The following GAS2L3 variants were observed in gnomAD, a reference collection of about 807,000 sequenced individuals.
GAS2L3 encodes growth arrest specific 2 like 3.
GAS2L3 carries 28 observed loss-of-function variants against 37.0 expected under a neutral mutation model. That is an observed-to-expected ratio of 0.76 (90% CI 0.56 to 1.04). The LOEUF is 1.04. Among genes scored for constraint, GAS2L3 ranks in the 50% least tolerant of loss-of-function variants. GAS2L3 has a pLI of 0.00. For synonymous variants in GAS2L3, 290 were observed against 296.6 expected (o/e 0.98, Z 0.23); for missense variants, 793 against 817.6 (o/e 0.97, Z 0.37).
At chr12:100,578,151 A>T (rs972423972) in intron 1 of GAS2L3, among the ~76,000 whole-genome samples, 1 of 152,194 alleles carries the variant, frequency 6.6e-6, no homozygotes, top group Non-Finnish European at 1.5e-5. Flanking sequence ...CTGGAGAAGG[A>T]TGATGGTGGC....
chr12:100,599,361 T>C (rs1955954971), intron 3 of GAS2L3, among the ~76,000 whole-genome samples: 1 of 152,248 alleles, frequency 6.6e-6, no homozygotes, highest in African/African-American at 2.4e-5. Context: ...TATAAAATTA[T>C]AAAATTTATA....
intron 5 of GAS2L3, among the ~76,000 whole-genome samples, chr12:100,610,670 G>C (rs142542516): frequency 0.012 from 1,880 of 152,258 alleles, 21 homozygotes; most frequent in Non-Finnish European, 0.021. Context: ...GGAACTGGGG[G>C]TAGGTGAGAG....
intron 1 of GAS2L3, among the ~76,000 whole-genome samples, chr12:100,574,436 T>G (rs1267178669): frequency 6.6e-6 from 1 of 152,128 alleles, no homozygotes; most frequent in Non-Finnish European, 1.5e-5. Flanking sequence ...AACCCTCAGT[T>G]TGGAGGACTG....
intron 3 of GAS2L3, among the ~76,000 whole-genome samples, chr12:100,596,825 A>T (rs1955918665): frequency 6.6e-6 from 1 of 152,134 alleles, no homozygotes; most frequent in African/African-American, 2.4e-5. Context: ...GAAAAGGCCC[A>T]TTTGTATATA....
At chr12:100,590,627 C>T (rs190365762) in intron 1 of GAS2L3, among the ~76,000 whole-genome samples, 37 of 152,292 alleles carry the variant, frequency 2.4e-4, no homozygotes, top group African/African-American at 8.7e-4. Flanking sequence ...ATGTTTATAG[C>T]AGCAAGATTC....
chr12:100,622,749 TAAAAAAAAAAAAAAAAAAAAA>T, intron 9 of GAS2L3, among the ~76,000 whole-genome samples: 1 of 26,840 alleles, frequency 3.7e-5, no homozygotes, highest in Admixed American at 7.8e-4. Flanking sequence ...GTATCCATAG[TAAAAAAAAAAAAAAAAAAAAA>T]AAAAAAAAAA....
intron 1 of GAS2L3, among the ~76,000 whole-genome samples, chr12:100,574,515 G>C (rs1955611649): frequency 1.3e-5 from 2 of 152,176 alleles, no homozygotes; most frequent in Non-Finnish European, 2.9e-5. Flanking sequence ...GAAAGTTTTG[G>C]AGGGCGTGCT....
chr12:100,586,918 TA>T (rs1955788597), intron 1 of GAS2L3, among the ~76,000 whole-genome samples: 2 of 151,836 alleles, frequency 1.3e-5, no homozygotes, highest in African/African-American at 4.8e-5. Context: ...CACTGAAATA[TA>T]AAAGATCATT....
intron 1 of GAS2L3, among the ~76,000 whole-genome samples, chr12:100,576,900 C>T (rs1292666282): frequency 6.6e-6 from 1 of 152,156 alleles, no homozygotes; most frequent in East Asian, 1.9e-4. Flanking sequence ...AGTATTATGA[C>T]CATCAGTCAT....
intron 1 of GAS2L3, among the ~76,000 whole-genome samples, chr12:100,588,127 G>A (rs920872542): frequency 3.9e-5 from 6 of 152,126 alleles, no homozygotes; most frequent in Admixed American, 2.0e-4. Flanking sequence ...GATTGCTGAC[G>A]ATATGATTGT....
Position 100,624,981 on chromosome 12 carries a change from A to G in GAS2L3, c.*91A>G. 1.0e-6 allele frequency: 1 copy of G among 970,356 alleles called. No individual in the cohort carries two copies. The highest frequency in any genetic ancestry group is 1.5e-6 in the Non-Finnish European group (1 of 647,322). 60.1% of individuals were successfully genotyped at this position (970,356 alleles called of 1,614,324 possible). Reference sequence around the variant, plus strand: ...TTCTCCTATTTGTGTCTGTCTAAATAGGTGCAGACACTAAGGATAGTGAGG... The same window carrying G: ...TTCTCCTATTTGTGTCTGTCTAAATGGGTGCAGACACTAAGGATAGTGAGG... On this transcript the variant is annotated 3_prime_UTR_variant, in exon 10 of 10. Transcript: ENST00000547754.
intron 5 of GAS2L3, among the ~76,000 whole-genome samples, chr12:100,602,889 T>A (rs893015260): frequency 6.6e-6 from 1 of 152,146 alleles, no homozygotes; most frequent in Admixed American, 6.6e-5. Flanking sequence ...ATTGAGAACA[T>A]GTGGTGATTG....
Position 100,618,490 on chromosome 12 carries a change from A to AAATTGAGTT in GAS2L3, c.553_561dup (p.Ile185_Leu187dup). 6.2e-7 allele frequency: 1 copy of AAATTGAGTT among 1,612,008 alleles called. No individual in the cohort carries two copies. The highest frequency in any genetic ancestry group is 8.5e-7 in the Non-Finnish European group (1 of 1,179,108). On this transcript the variant is annotated inframe_insertion, in exon 8 of 10. Transcript: ENST00000547754. ...CCAGTGTTAGTAAAACTTGAGAAAG[A>AAATTGAGTT]AATTGAGTTAGAAGAGACTTTGCTT...
intron 1 of GAS2L3, among the ~76,000 whole-genome samples, chr12:100,577,797 A>G (rs1263376897): frequency 2.0e-5 from 3 of 152,238 alleles, no homozygotes; most frequent in Non-Finnish European, 4.4e-5. Context: ...TAGAATCTAG[A>G]CAGGTAAGAG....
intron 1 of GAS2L3, among the ~76,000 whole-genome samples, chr12:100,582,125 A>G (rs746214968): frequency 2.0e-5 from 3 of 152,248 alleles, no homozygotes; most frequent in Non-Finnish European, 4.4e-5. Flanking sequence ...AAAAGGAGTC[A>G]GCAAAGGGAG....
chr12:100,608,103 A>G (rs1383538874), intron 5 of GAS2L3, among the ~76,000 whole-genome samples: 1 of 152,196 alleles, frequency 6.6e-6, no homozygotes, highest in Non-Finnish European at 1.5e-5. Context: ...CAATAATGCC[A>G]TGGTTCTCGC....
chr12:100,583,138 T>C (rs555136232), intron 1 of GAS2L3, among the ~76,000 whole-genome samples: 1 of 152,316 alleles, frequency 6.6e-6, no homozygotes, highest in South Asian at 2.1e-4. Flanking sequence ...AGTAAAGGAA[T>C]AAAGAATGGC....
At chr12:100,608,234 T>A (rs2136506850) in intron 5 of GAS2L3, among the ~76,000 whole-genome samples, 1 of 152,226 alleles carries the variant, frequency 6.6e-6, no homozygotes, top group South Asian at 2.1e-4. Context: ...CCGAAACAAA[T>A]GGAGTATCTC....
At chr12:100,578,871 A>T (rs35709) in intron 1 of GAS2L3, 390,260 of 760,674 alleles carry the variant, frequency 0.51, 103,765 homozygotes, top group East Asian at 0.72. Flanking sequence ...GACTTTTTCT[A>T]CCCAAATATG....
Sources: gnomAD v4.1 joint callset for allele counts (sites outside exome capture counted in the v4.1 genomes callset) on GRCh38, gnomAD v4.1.1 for gene constraint, MANE v1.5 for transcripts, NCBI Gene and HGNC (gene_info 2026-07-23, HGNC 2026-07-21) for gene names.